UQCC1: variants seen among roughly 807,000 people sequenced by gnomAD.
UQCC1 encodes ubiquinol-cytochrome c reductase complex assembly factor 1, also known as bFGF-repressed Zic-binding protein.
Under a neutral mutation model 48.0 loss-of-function variants are expected in UQCC1, and 38 were observed. The observed-to-expected ratio is 0.79, with a 90% CI of 0.61 to 1.04. The LOEUF is 1.04. UQCC1 is among the 50% of genes least tolerant of loss of function. The pLI, the probability that UQCC1 is intolerant of heterozygous loss-of-function variation, is 0.00. For synonymous variants in UQCC1, 111 were observed against 129.2 expected (o/e 0.86, Z 0.95); for missense variants, 368 against 381.8 (o/e 0.96, Z 0.30).
intron 7 of UQCC1, among the ~76,000 whole-genome samples, chr20:35,342,885 GAT>G (rs1251370005): frequency 6.6e-6 from 1 of 152,116 alleles, no homozygotes; most frequent in Admixed American, 6.5e-5. Flanking sequence ...GCTTCACGAT[GAT>G]ATATGAGTCT....
intron 2 of UQCC1, among the ~76,000 whole-genome samples, chr20:35,389,176 T>G (rs1304416690): frequency 6.6e-6 from 1 of 152,186 alleles, no homozygotes; most frequent in Non-Finnish European, 1.5e-5. Flanking sequence ...CATCTTGTGG[T>G]GCCAGCAATT....
rs2060897076 is a variant in UQCC1, at chr20:35,303,882, C to T, written c.*53G>A. ...GGGTCCTGGACCAACAGGCACTTCT[C>T]TCCTGGAGGTTCCTCGAAGCCAGCT... On this transcript the variant is annotated 3_prime_UTR_variant, in exon 10 of 10. Coordinates refer to ENST00000374385, the MANE Select transcript of UQCC1 (RefSeq NM_018244.5). 13 of 1,613,474 alleles carry T rather than the reference C, an allele frequency of 8.1e-6. No homozygotes were observed. The highest frequency in any genetic ancestry group is 5.3e-5 in the African/African-American group (4 of 74,918).
chr20:35,397,179 A>ATAGAGAGGGAGACTCTG (rs2062090224), intron 1 of UQCC1, among the ~76,000 whole-genome samples: 1 of 150,308 alleles, frequency 6.7e-6, no homozygotes, highest in Admixed American at 6.6e-5. Flanking sequence ...AGCCTGGGCG[A>ATAGAGAGGGAGACTCTG]TAGAGAGGGA....
At chr20:35,410,575 C>T (rs938203684) in intron 1 of UQCC1, among the ~76,000 whole-genome samples, 10 of 147,996 alleles carry the variant, frequency 6.8e-5, no homozygotes, top group African/African-American at 2.5e-4. Flanking sequence ...TGGTGTGGTG[C>T]ATGCCTGTCA....
At chr20:35,394,034 G>T in intron 2 of UQCC1, 58 bp downstream of exon 2, 2 of 1,507,570 alleles carry the variant, frequency 1.3e-6, no homozygotes, top group South Asian at 2.3e-5. Flanking sequence ...ATAAATACAT[G>T]ACATTTGCAC....
At chr20:35,343,934 A>T (rs1431872619) in intron 7 of UQCC1, among the ~76,000 whole-genome samples, 4 of 151,946 alleles carry the variant, frequency 2.6e-5, no homozygotes, top group African/African-American at 7.2e-5. Context: ...ACACTCCCTT[A>T]TGGGGCAGCA....
chr20:35,314,057 C>A (rs2061026927), intron 8 of UQCC1, among the ~76,000 whole-genome samples: 1 of 152,044 alleles, frequency 6.6e-6, no homozygotes, highest in Non-Finnish European at 1.5e-5. Context: ...CTCCGTCTCC[C>A]AGGTTCAAGC....
At chr20:35,324,524 C>A (rs1280890939) in intron 7 of UQCC1, among the ~76,000 whole-genome samples, 3 of 152,174 alleles carry the variant, frequency 2.0e-5, no homozygotes, top group African/African-American at 7.2e-5. Context: ...GACGGGGTTT[C>A]ACCGTGTTAG....
rs778696010 is a variant in UQCC1, at chr20:35,314,707, G to A, written c.632C>T (p.Ala211Val). The change falls in exon 8 of 10, where the codon GCG becomes GTG. Residue 211 changes from alanine to valine, a missense_variant. By Grantham distance (64) the Ala-to-Val change is moderately conservative. Transcript: ENST00000374385. Reference protein sequence around the residue: ...MILMTNHFYAAILGYDEGILS... With the variant: ...MILMTNHFYAVILGYDEGILS... ...TCTTACCTCATCATATCCCAAGATCGCTGCATAGAAATGATTTGTCATGAG... is the reference window on the plus strand; with the variant it reads ...TCTTACCTCATCATATCCCAAGATCACTGCATAGAAATGATTTGTCATGAG... The A allele has an allele frequency of 8.1e-6, 13 of 1,607,466 alleles. No homozygotes were observed. The African/African-American group carries it at 1.1e-4, about 13-fold the overall frequency.
intron 2 of UQCC1, among the ~76,000 whole-genome samples, chr20:35,391,285 A>G (rs2062011492): frequency 6.6e-6 from 1 of 152,174 alleles, no homozygotes; most frequent in Non-Finnish European, 1.5e-5. Context: ...CAAATAACTG[A>G]CTAGTACTCT....
At chr20:35,399,926 T>TC (rs1491284779) in intron 1 of UQCC1, among the ~76,000 whole-genome samples, 142 of 103,126 alleles carry the variant, frequency 1.4e-3, no homozygotes, top group Non-Finnish European at 2.1e-3. Context: ...TACTCAGTCC[T>TC]TTTTTTTTTT....
Position 35,306,689 on chromosome 20 carries a change from G to C in UQCC1, c.742C>G (p.Leu248Val). The change falls in exon 9 of 10, where the codon CTG (leucine) becomes GTG (valine). Residue 248 changes from leucine to valine, a missense_variant. Physicochemically the swap from Leu to Val is conservative, Grantham distance 32. Coordinates refer to ENST00000374385, the MANE Select transcript of UQCC1 (RefSeq NM_018244.5). ...ACCTGTTTCCTCACATACTCTACCAGCAATTCAAGATGTCGAGGGTCTTCA... is the reference window on the plus strand; with the variant it reads ...ACCTGTTTCCTCACATACTCTACCACCAATTCAAGATGTCGAGGGTCTTCA... ...KCEDPRHLEL[L>V]VEYVRKQIQY... 6.2e-7 allele frequency: 1 copy of C among 1,613,818 alleles called. No individual in the cohort carries two copies. Among genetic ancestry groups the C allele is most frequent in the Non-Finnish European group, 8.5e-7 (1 of 1,179,948 alleles).
intron 7 of UQCC1, among the ~76,000 whole-genome samples, chr20:35,336,609 A>G (rs1446334063): frequency 4.6e-5 from 7 of 152,124 alleles, no homozygotes. Context: ...GAAGAAGCAC[A>G]GCCCTGCCGA....
intron 2 of UQCC1, among the ~76,000 whole-genome samples, chr20:35,388,833 G>A (rs1415258157): frequency 6.6e-6 from 1 of 152,174 alleles, no homozygotes; most frequent in Admixed American, 6.5e-5. Context: ...GGGAGGCTGA[G>A]GCGGGAGGAT....
chr20:35,318,091 C>T (rs557978738), intron 7 of UQCC1, among the ~76,000 whole-genome samples: 11 of 152,288 alleles, frequency 7.2e-5, no homozygotes, highest in Admixed American at 6.5e-4. Context: ...CAGCCACAAA[C>T]GGATGATATC....
At chr20:35,377,611 C>A (rs990189651) in intron 4 of UQCC1, among the ~76,000 whole-genome samples, 2 of 152,218 alleles carry the variant, frequency 1.3e-5, no homozygotes, top group African/African-American at 4.8e-5. Context: ...TCTCATGGAG[C>A]TTACGGCCCA....
chr20:35,410,912 A>T (rs13039721), intron 1 of UQCC1, among the ~76,000 whole-genome samples: 2 of 151,762 alleles, frequency 1.3e-5, no homozygotes, highest in Non-Finnish European at 2.9e-5. Context: ...CTACAAATAA[A>T]TATTTACTGA....
At chr20:35,389,541 T>A (rs2061988533) in intron 2 of UQCC1, among the ~76,000 whole-genome samples, 1 of 150,100 alleles carries the variant, frequency 6.7e-6, no homozygotes. Context: ...CCAGCCTGAG[T>A]GAGAGAGTGA....
chr20:35,385,175 CTT>C (rs1346311268), intron 2 of UQCC1, among the ~76,000 whole-genome samples: 1 of 152,096 alleles, frequency 6.6e-6, no homozygotes, highest in African/African-American at 2.4e-5. Context: ...CCATGGAAAA[CTT>C]ACTGAACCTC....
Sources: allele counts gnomAD v4.1 joint callset (sites outside exome capture counted in the v4.1 genomes callset), GRCh38; gene constraint gnomAD v4.1.1; transcripts MANE v1.5; gene names NCBI Gene and HGNC (gene_info 2026-07-23, HGNC 2026-07-21).